Variants in NLRP7 observed in about 807,000 individuals in gnomAD.
NLRP7 encodes the protein NLR family pyrin domain containing 7.
A neutral mutation model predicts 85.5 loss-of-function variants in NLRP7; 72 were observed. That is an observed-to-expected ratio of 0.84 (90% CI 0.70 to 1.02). The LOEUF (loss-of-function observed/expected upper bound fraction) is 1.02, where lower values mean the gene tolerates loss of function less well. Ranked by LOEUF, NLRP7 falls within the 50% of genes least tolerant of loss-of-function variation. The pLI is 0.00. For synonymous variants in NLRP7, 550 were observed against 505.2 expected (o/e 1.09, Z -1.19); for missense variants, 1,243 against 1,219.5 (o/e 1.02, Z -0.29).
In NLRP7 at chr19:54,964,145, C is replaced by T. The variant is rs1426765379; in HGVS notation, c.-77+1895G>A. 2.7e-5 allele frequency among the ~76,000 whole-genome samples: 4 copies of T among 149,542 alleles called. No homozygotes were observed. The Admixed American group carries it at 2.7e-4, about 10-fold the overall frequency. ...CCACCCGCCTTGGCCTCCCAAAGTG[C>T]TGGAATTACAGGCGTGAGCCACCGC... On this transcript the variant is annotated intron_variant, in intron 1 of 2. Transcript: ENST00000587103.
exon 4 of NLRP7, chr19:54,939,553 G>A: frequency 1.2e-6 from 2 of 1,612,698 alleles, no homozygotes; most frequent in Non-Finnish European, 1.7e-6. Flanking sequence ...GCGCCCACAG[G>A]CCCTGCGCGG....
intron 8 of NLRP7, among the ~76,000 whole-genome samples, chr19:54,932,437 A>AAAG (rs1238361880): frequency 5.9e-5 from 9 of 152,000 alleles, no homozygotes; most frequent in Non-Finnish European, 1.2e-4. Flanking sequence ...AAAAAAAAAA[A>AAAG]AATGAATCTC....
At chr19:54,932,316 T>C (rs2068712456) in intron 8 of NLRP7, among the ~76,000 whole-genome samples, 1 of 151,804 alleles carries the variant, frequency 6.6e-6, no homozygotes, top group African/African-American at 2.4e-5. Context: ...TAATCCCAGC[T>C]ACTTGGGAGG....
intron 1 of NLRP7, among the ~76,000 whole-genome samples, chr19:54,945,314 G>C (rs1179499449): frequency 6.7e-6 from 1 of 148,456 alleles, no homozygotes; most frequent in Non-Finnish European, 1.5e-5. Context: ...TTGCTCTGTC[G>C]CCCAGGCTGG....
At chr19:54,950,980 T>C (rs1235039530), upstream of NLRP7, among the ~76,000 whole-genome samples, 1 of 152,164 alleles carries the variant, frequency 6.6e-6, no homozygotes, top group African/African-American at 2.4e-5. Flanking sequence ...CCTGGGTACT[T>C]GAGATTAGGG....
rs1291925384 is a variant in NLRP7 at position 54,939,774 on chromosome 19, G to T, written c.1045C>A (p.Leu349Ile). The stretch of plus-strand genomic sequence containing the variant: ...AACAGGGCCGCGTTGCTCCTCATTA[G>T]CTCAAAGGCACGCATGGCTTGGTCC... The change falls in exon 4 of 10, where the codon CTA becomes ATA. Residue 349 changes from leucine (L) to isoleucine (I), a missense_variant. This residue lies in a region of NLRP7 where 591 missense variants were observed against 563.3 expected (regional missense o/e 1.05). Coordinates refer to ENST00000340844, the Ensembl canonical transcript of NLRP7. The T allele has an allele frequency of 5.0e-6, 8 of 1,613,780 alleles. No homozygotes were observed. Among genetic ancestry groups the T allele is most frequent in the Non-Finnish European group, 6.8e-6 (8 of 1,180,010 alleles).
rs747773125 is a variant in NLRP7, at chr19:54,941,574, C to A, written c.138G>T (p.Val46=). 2.5e-6 allele frequency: 4 copies of A among 1,613,818 alleles called. No individual in the cohort carries two copies. The Admixed American group carries it at 5.0e-5, about 20-fold the overall frequency. The change falls in exon 2 of 10, where the codon GTG becomes GTT. Residue 46 remains valine (V), a synonymous_variant. Coordinates refer to ENST00000340844, the Ensembl canonical transcript of NLRP7. The stretch of plus-strand genomic sequence containing the variant: ...CCAGTTTCTTGCCATCAGCCTCTTC[C>A]ACCTCAGACCATGGGGTCTTCTGTA...
chr19:54,939,583 C>G (rs758305314), exon 4 of NLRP7: 2 of 1,611,712 alleles, frequency 1.2e-6, no homozygotes, highest in East Asian at 4.5e-5. Flanking sequence ...TCAGCGTCCG[C>G]AGCGCGCCCC....
rs763514303 is a variant in NLRP7 at position 54,941,752 on chromosome 19, T to TG, written c.-39-3dup. Reference sequence around the variant, plus strand: ...AGACCTTAGGTTAAGGCTGAAGAACTGGGGGGAAAAAAGGAAAAACAGTTC... The same window carrying TG: ...AGACCTTAGGTTAAGGCTGAAGAACTGGGGGGGAAAAAAGGAAAAACAGTTC... On this transcript the variant is annotated splice_region_variant and splice_polypyrimidine_tract_variant and intron_variant, in intron 1 of 9. Transcript: ENST00000340844. The TG allele has an allele frequency of 7.6e-6, 12 of 1,585,440 alleles. No individual in the cohort carries two copies. The East Asian group carries it at 1.1e-4, about 15-fold the overall frequency.
At chr19:54,936,680 C>T (rs1291821730) in intron 5 of NLRP7, among the ~76,000 whole-genome samples, 2 of 151,812 alleles carry the variant, frequency 1.3e-5, no homozygotes, top group Non-Finnish European at 1.5e-5. Flanking sequence ...TAGCTGGGGC[C>T]GAGGCAGGCA....
chr19:54,954,566 C>T (rs1315667762), intron 1 of NLRP7, among the ~76,000 whole-genome samples: 3 of 150,748 alleles, frequency 2.0e-5, no homozygotes, highest in Non-Finnish European at 4.4e-5. Context: ...CAACCGAGGC[C>T]GGACGTGGTG....
intron 1 of NLRP7, among the ~76,000 whole-genome samples, chr19:54,961,820 A>G (rs2070052011): frequency 6.6e-6 from 1 of 150,988 alleles, no homozygotes; most frequent in South Asian, 2.1e-4. Flanking sequence ...TCAAAAAGGA[A>G]ACAAAAAAAA....
intron 1 of NLRP7, among the ~76,000 whole-genome samples, chr19:54,961,301 AG>A (rs1217856503): frequency 6.6e-6 from 1 of 151,980 alleles, no homozygotes; most frequent in African/African-American, 2.4e-5. Context: ...ACCCGAGGTC[AG>A]GAGTCCAAGA....
In NLRP7 at chr19:54,940,020, G is replaced by A. The variant is rs755349976; in HGVS notation, c.799C>T (p.Gln267Ter). The A allele has an allele frequency of 1.2e-6, 2 of 1,614,044 alleles. No individual in the cohort carries two copies. Among genetic ancestry groups the A allele is most frequent in the Admixed American group, 1.7e-5 (1 of 59,986 alleles). The change falls in exon 4 of 10, where the codon CAG becomes TAG. Residue 267 changes from glutamine to a stop codon, truncating the protein, a stop_gained. Transcript: ENST00000340844. LOFTEE classifies it high-confidence loss of function. ...TTCTCCCAGTCCCCGCAGATGTCCT[G>A]GATCAGCGCCCCAGGTGGGACTTTC...
upstream of NLRP7, chr19:54,947,780 T>A (rs1028463285): frequency 1.2e-5 from 7 of 584,548 alleles, no homozygotes; most frequent in Admixed American, 9.9e-5. Context: ...GGGCCAGGTG[T>A]GATAGGCGAC....
upstream of NLRP7, among the ~76,000 whole-genome samples, chr19:54,949,231 T>C (rs1473266333): frequency 6.6e-6 from 1 of 150,920 alleles, no homozygotes; most frequent in Non-Finnish European, 1.5e-5. Flanking sequence ...TGAGCCGAGA[T>C]TGCACCACTG....
At chr19:54,931,229 C>A (rs1359242722) in intron 8 of NLRP7, among the ~76,000 whole-genome samples, 1 of 152,118 alleles carries the variant, frequency 6.6e-6, no homozygotes, top group East Asian at 1.9e-4. Flanking sequence ...CAAGACCAGC[C>A]TGGCCAACAT....
chr19:54,932,340 A>T (rs1298719028), intron 8 of NLRP7, among the ~76,000 whole-genome samples: 1 of 151,922 alleles, frequency 6.6e-6, no homozygotes. Flanking sequence ...AGGCAGGAGA[A>T]TCGCTTGAAC....
chr19:54,938,983 C>A (rs563943764), exon 4 of NLRP7: 7 of 1,614,212 alleles, frequency 4.3e-6, no homozygotes, highest in Admixed American at 1.7e-5. Flanking sequence ...CTTGACAATG[C>A]TTCAGGCTGA....
Sources: gnomAD v4.1 joint callset for allele counts (sites outside exome capture counted in the v4.1 genomes callset) on GRCh38, gnomAD v4.1.1 for gene constraint, gnomAD v4.1.1 regional missense constraint, MANE v1.5 for transcripts, NCBI Gene and HGNC (gene_info 2026-07-23, HGNC 2026-07-21) for gene names.